The following SYCP1 variants were observed in gnomAD, a reference collection of about 807,000 sequenced individuals.
SYCP1 encodes synaptonemal complex protein 1, also known as cancer/testis antigen 8.
SYCP1 carries 64 observed loss-of-function variants against 153.1 expected under a neutral mutation model. That is an observed-to-expected ratio of 0.42 (90% CI 0.34 to 0.51). SYCP1 has a LOEUF of 0.51. SYCP1 is among the 20% of genes least tolerant of loss of function. SYCP1 has a pLI of 0.06. For synonymous variants in SYCP1, 384 were observed against 341.8 expected (o/e 1.12, Z -1.36); for missense variants, 997 against 1,049.0 (o/e 0.95, Z 0.68).
intron 23 of SYCP1, among the ~76,000 whole-genome samples, chr1:114,936,015 C>A (rs142480069): frequency 1.3e-5 from 2 of 152,140 alleles, no homozygotes; most frequent in East Asian, 3.9e-4. Context: ...CTATTCCAAT[C>A]GATAGAAAAA....
intron 16 of SYCP1, among the ~76,000 whole-genome samples, chr1:114,907,063 T>TGG (rs1667859161): frequency 6.6e-6 from 1 of 152,218 alleles, no homozygotes; most frequent in African/African-American, 2.4e-5. Flanking sequence ...AATTGACCCT[T>TGG]TGATTATAAT....
intron 27 of SYCP1, among the ~76,000 whole-genome samples, chr1:114,971,649 A>T (rs1433643638): frequency 6.6e-6 from 1 of 152,094 alleles, no homozygotes; most frequent in African/African-American, 2.4e-5. Flanking sequence ...TCATGAAGGG[A>T]TGTTAAATTT....
At chr1:114,924,640 G>C (rs1269994796) in intron 21 of SYCP1, among the ~76,000 whole-genome samples, 3 of 151,994 alleles carry the variant, frequency 2.0e-5, no homozygotes, top group Non-Finnish European at 4.4e-5. Flanking sequence ...ACATTATATG[G>C]GTAAGCCTGA....
intron 3 of SYCP1, among the ~76,000 whole-genome samples, chr1:114,857,007 C>T (rs1664010671): frequency 6.7e-6 from 1 of 149,036 alleles, no homozygotes; most frequent in Non-Finnish European, 1.5e-5. Context: ...GCCTGCAGTC[C>T]CAGCTACTTG....
At chr1:114,993,191 A>G (rs1674041933) in intron 30 of SYCP1, among the ~76,000 whole-genome samples, 1 of 151,568 alleles carries the variant, frequency 6.6e-6, no homozygotes, top group Non-Finnish European at 1.5e-5. Context: ...TTTAAAGATA[A>G]TTTATCTTGT....
chr1:114,914,133 A>T, intron 20 of SYCP1, 88 bp downstream of exon 20: 1 of 970,146 alleles, frequency 1.0e-6, no homozygotes, highest in East Asian at 2.8e-5. Flanking sequence ...TTTAAATTGG[A>T]CTGCTGTTGA....
intron 8 of SYCP1, among the ~76,000 whole-genome samples, chr1:114,870,719 A>G (rs1399254709): frequency 1.3e-5 from 2 of 152,092 alleles, no homozygotes; most frequent in African/African-American, 4.8e-5. Context: ...AATATGGTGT[A>G]TCTTTATCCA....
chr1:114,917,036 A>T (rs900008548), intron 20 of SYCP1, among the ~76,000 whole-genome samples: 1 of 152,080 alleles, frequency 6.6e-6, no homozygotes, highest in Non-Finnish European at 1.5e-5. Context: ...AAAAAAGTAC[A>T]TGTAAATTAT....
intron 27 of SYCP1, among the ~76,000 whole-genome samples, chr1:114,959,824 A>C (rs1285870872): frequency 6.6e-6 from 1 of 152,136 alleles, no homozygotes; most frequent in Non-Finnish European, 1.5e-5. Flanking sequence ...CCCACAGACA[A>C]GTGAGAACAT....
At position 114,905,700 on chromosome 1, in the gene SYCP1, T is replaced by G. The variant is rs191271692; in HGVS notation, c.1321-4697T>G. On this transcript the variant is annotated intron_variant, in intron 16 of 31. Coordinates refer to ENST00000369522, the MANE Select transcript of SYCP1 (RefSeq NM_003176.4). ...TGGTAGAATTCTCTAGTGAAACCACTTGGGTCTAGAGATTTCTTTTTGGCA... is the reference window on the plus strand; with the variant it reads ...TGGTAGAATTCTCTAGTGAAACCACGTGGGTCTAGAGATTTCTTTTTGGCA... Among the ~76,000 whole-genome samples, 5 of 152,178 alleles carry G rather than the reference T, an allele frequency of 3.3e-5. No homozygotes were observed. The East Asian group carries it at 9.7e-4, about 30-fold the overall frequency.
At chr1:114,892,074 C>T (rs558562963) in intron 15 of SYCP1, among the ~76,000 whole-genome samples, 14 of 152,206 alleles carry the variant, frequency 9.2e-5, no homozygotes, top group African/African-American at 2.6e-4. Context: ...GACCCTTCAT[C>T]AGGCACCCAG....
chr1:114,881,582 A>G (rs1287946510), intron 12 of SYCP1, among the ~76,000 whole-genome samples: 1 of 139,572 alleles, frequency 7.2e-6, no homozygotes, highest in Non-Finnish European at 1.6e-5. Flanking sequence ...GCTGGAGTGC[A>G]GTGGCACAAT....
At chr1:114,941,453 A>G (rs1455834761) in intron 23 of SYCP1, among the ~76,000 whole-genome samples, 2 of 151,856 alleles carry the variant, frequency 1.3e-5, no homozygotes, top group African/African-American at 4.8e-5. Flanking sequence ...CTTATCCTCT[A>G]TCTTTATGTT....
intron 23 of SYCP1, among the ~76,000 whole-genome samples, chr1:114,940,498 A>G (rs1486078320): frequency 2.6e-5 from 4 of 152,052 alleles, no homozygotes; most frequent in Admixed American, 6.6e-5. Context: ...TCTGTGTCCT[A>G]TAGGTTTTGA....
intron 27 of SYCP1, among the ~76,000 whole-genome samples, chr1:114,970,499 A>G (rs1017465698): frequency 4.0e-5 from 6 of 149,918 alleles, no homozygotes; most frequent in African/African-American, 1.5e-4. Context: ...GTTTTGTCAT[A>G]TTACCAGAAT....
chr1:114,906,726 A>C (rs1667832816), intron 16 of SYCP1, among the ~76,000 whole-genome samples: 1 of 152,088 alleles, frequency 6.6e-6, no homozygotes, highest in Non-Finnish European at 1.5e-5. Context: ...TTTTGTAAAA[A>C]ATTTCTTAAG....
intron 23 of SYCP1, among the ~76,000 whole-genome samples, chr1:114,930,450 A>T (rs769025802): frequency 7.9e-5 from 12 of 152,132 alleles, no homozygotes; most frequent in Non-Finnish European, 1.6e-4. Context: ...AGTAAAATTC[A>T]CTGCAGGCAA....
intron 10 of SYCP1, among the ~76,000 whole-genome samples, chr1:114,876,407 T>A (rs1485729513): frequency 6.6e-6 from 1 of 151,934 alleles, no homozygotes; most frequent in Admixed American, 6.6e-5. Context: ...TTTTTACATA[T>A]CTTGGTATAG....
intron 30 of SYCP1, among the ~76,000 whole-genome samples, chr1:114,992,714 A>C (rs1674008782): frequency 6.6e-6 from 1 of 151,682 alleles, no homozygotes; most frequent in African/African-American, 2.4e-5. Flanking sequence ...TCTTCATGAC[A>C]CTGGATTTGG....
Sources: gnomAD v4.1 joint callset for allele counts (sites outside exome capture counted in the v4.1 genomes callset) on GRCh38, gnomAD v4.1.1 for gene constraint, MANE v1.5 for transcripts, NCBI Gene and HGNC (gene_info 2026-07-23, HGNC 2026-07-21) for gene names.